KCTD21: variants seen among roughly 807,000 people sequenced by gnomAD.
KCTD21 encodes the protein potassium channel tetramerization domain containing 21.
Under a neutral mutation model 13.2 loss-of-function variants are expected in KCTD21, and 9 were observed. The ratio of observed to expected loss-of-function variants is 0.68; its 90% CI spans 0.41 to 1.19. KCTD21 has a LOEUF of 1.19. Among genes scored for constraint, KCTD21 ranks in the 50% most tolerant of loss-of-function variants. The pLI, the probability that KCTD21 is intolerant of heterozygous loss-of-function variation, is 0.01. For synonymous variants in KCTD21, 142 were observed against 137.4 expected (o/e 1.03, Z -0.23); for missense variants, 303 against 336.5 (o/e 0.90, Z 0.78).
chr11:78,174,439 G>A lies in KCTD21; in HGVS notation c.116C>T (p.Thr39Ile). ...LGAMFSGKMP[T>I]KRDSQGNCFI... ...GCAGTTGCCCTGGCTGTCCCTCTTGGTGGGCATCTTCCCGCTGAACATGGC... is the reference window on the plus strand; with the variant it reads ...GCAGTTGCCCTGGCTGTCCCTCTTGATGGGCATCTTCCCGCTGAACATGGC... The change falls in exon 2 of 2, where the codon ACC becomes ATC. Residue 39 changes from threonine (T) to isoleucine (I), a missense_variant. Coordinates refer to ENST00000340067, the MANE Select transcript of KCTD21 (RefSeq NM_001029859.3). The A allele has an allele frequency of 6.2e-7, 1 of 1,614,096 alleles. No individual in the cohort carries two copies. Among genetic ancestry groups the A allele is most frequent in the Non-Finnish European group, 8.5e-7 (1 of 1,180,028 alleles).
At chr11:78,183,639 CTT>C (rs201919205) in intron 1 of KCTD21, among the ~76,000 whole-genome samples, 19 of 141,886 alleles carry the variant, frequency 1.3e-4, no homozygotes, top group Admixed American at 2.1e-4. Flanking sequence ...AAAATTAATT[CTT>C]TTTTTTTTTT....
At position 78,173,755 on chromosome 11, in the gene KCTD21, G is replaced by A. The variant is rs972959546; in HGVS notation, c.*17C>T. On this transcript the variant is annotated 3_prime_UTR_variant, in exon 2 of 2. Coordinates refer to ENST00000340067, the MANE Select transcript of KCTD21 (RefSeq NM_001029859.3). ...AGCTTCCTGGGACTCCCCATCTCCAGTGTTGTTGGGGTCCTTTTACCTGTA... is the reference window on the plus strand; with the variant it reads ...AGCTTCCTGGGACTCCCCATCTCCAATGTTGTTGGGGTCCTTTTACCTGTA... 2 of 1,589,234 alleles carry A rather than the reference G, an allele frequency of 1.3e-6. No individual in the cohort carries two copies. The highest frequency in any genetic ancestry group is 1.7e-6 in the Non-Finnish European group (2 of 1,164,570).
chr11:78,187,604 C>A (rs1862826119), intron 1 of KCTD21: 2 of 985,284 alleles, frequency 2.0e-6, no homozygotes, highest in Non-Finnish European at 2.4e-6. Flanking sequence ...GCTTTTCCTC[C>A]GGCACCAGCA....
rs57748403 is a variant in KCTD21 at position 78,186,371 on chromosome 11, C to CAAAAAAAAAAAAA, written c.-30+2189_-30+2201dup. Among the ~76,000 whole-genome samples, 18 of 45,816 alleles carry CAAAAAAAAAAAAA rather than the reference C, an allele frequency of 3.9e-4. 1 individual carries two copies. The highest frequency in any genetic ancestry group is 1.0e-3 in the South Asian group (1 of 978). The allele number at this position is 45,816 out of a possible 152,430, so 30.1% of individuals were successfully genotyped here. On this transcript the variant is annotated intron_variant, in intron 1 of 1. Coordinates refer to ENST00000340067, the MANE Select transcript of KCTD21 (RefSeq NM_001029859.3). ...TGGGCAACAGAGTAAGACCCTGTCT[C>CAAAAAAAAAAAAA]AAAAAAAAAAAAAAAAAAAAAAAAA...
intron 1 of KCTD21, chr11:78,187,750 G>C (rs1285182940): frequency 5.1e-6 from 5 of 985,302 alleles, no homozygotes; most frequent in Non-Finnish European, 6.0e-6. Flanking sequence ...GGAAGGGTTG[G>C]GGGGACTGGT....
intron 1 of KCTD21, chr11:78,186,916 T>C (rs1039567855): frequency 3.0e-6 from 3 of 985,328 alleles, no homozygotes; most frequent in Non-Finnish European, 3.6e-6. Flanking sequence ...CCTTTCTATA[T>C]CCACAGAAGC....
chr11:78,186,929 G>C (rs1048152026), intron 1 of KCTD21: 2 of 985,352 alleles, frequency 2.0e-6, no homozygotes, highest in Non-Finnish European at 2.4e-6. Flanking sequence ...ACAGAAGCAC[G>C]TAGAATAGGG....
At position 78,171,266 on chromosome 11, in the gene KCTD21, T is replaced by G. The variant is rs951839681; in HGVS notation, c.*2506A>C. 6.5e-6 allele frequency: 1 copy of G among 152,696 alleles called. No individual in the cohort carries two copies. Among genetic ancestry groups the G allele is most frequent in the African/African-American group, 2.4e-5 (1 of 41,478 alleles). 9.5% of individuals were successfully genotyped at this position (152,696 alleles called of 1,614,324 possible). A position where few individuals can be genotyped will look rare whatever the true frequency, so the allele number is the denominator to read the frequency against. On this transcript the variant is annotated 3_prime_UTR_variant, in exon 2 of 2. Transcript: ENST00000340067. ...AATAACAATCCTTTATCATTTATAC[T>G]GTATTCTCACGTTACATTATTTCAT...
Position 78,171,693 on chromosome 11 carries a change from C to T in KCTD21, c.*2079G>A, listed in dbSNP as rs1862284635. On this transcript the variant is annotated 3_prime_UTR_variant, in exon 2 of 2. Transcript: ENST00000340067. ...CACTCTCAGCTCACTGCAACCTCTG[C>T]TATCTGGGTTCAAGCGATTCTACTG... 1 of 152,222 alleles carries T rather than the reference C, an allele frequency of 6.6e-6. No individual in the cohort carries two copies. Among genetic ancestry groups the T allele is most frequent in the Non-Finnish European group, 1.5e-5 (1 of 68,058 alleles). 9.4% of individuals were successfully genotyped at this position (152,222 alleles called of 1,614,324 possible).
intron 1 of KCTD21, among the ~76,000 whole-genome samples, chr11:78,180,034 A>T (rs1862570709): frequency 6.6e-6 from 1 of 152,136 alleles, no homozygotes; most frequent in Admixed American, 6.6e-5. Context: ...ACCTTGGTCC[A>T]TCTCTTATGC....
intron 1 of KCTD21, among the ~76,000 whole-genome samples, chr11:78,178,974 T>A (rs929207750): frequency 2.0e-5 from 3 of 152,090 alleles, no homozygotes; most frequent in African/African-American, 7.2e-5. Context: ...CTGCATAGGG[T>A]GCCCATTCAC....
In KCTD21 at chr11:78,173,720, G is replaced by C; in HGVS notation, c.*52C>G. 1 of 1,502,962 alleles carries C rather than the reference G, an allele frequency of 6.7e-7. No individual in the cohort carries two copies. The highest frequency in any genetic ancestry group is 9.1e-7 in the Non-Finnish European group (1 of 1,100,870). The allele number at this position is 1,502,962 out of a possible 1,614,324, so 93.1% of individuals were successfully genotyped here. On this transcript the variant is annotated 3_prime_UTR_variant, in exon 2 of 2. Coordinates refer to ENST00000340067, the MANE Select transcript of KCTD21 (RefSeq NM_001029859.3). ...ACTGGCGAGATGCCCTCCAAGACCT[G>C]GCTGACATGAGCTTCCTGGGACTCC...
chr11:78,173,690 G>T lies in KCTD21; in HGVS notation c.*82C>A. Reference sequence around the variant, plus strand: ...ACAGATTAGTATAGTCCCCTGCCTCGCACCACTGGCGAGATGCCCTCCAAG... The same window carrying T: ...ACAGATTAGTATAGTCCCCTGCCTCTCACCACTGGCGAGATGCCCTCCAAG... On this transcript the variant is annotated 3_prime_UTR_variant, in exon 2 of 2. Coordinates refer to ENST00000340067, the MANE Select transcript of KCTD21 (RefSeq NM_001029859.3). 1.8e-6 allele frequency: 2 copies of T among 1,141,246 alleles called. No homozygotes were observed. The highest frequency in any genetic ancestry group is 2.5e-6 in the Non-Finnish European group (2 of 787,698). The allele number at this position is 1,141,246 out of a possible 1,614,324, so 70.7% of individuals were successfully genotyped here. A position where few individuals can be genotyped will look rare whatever the true frequency, so the allele number is the denominator to read the frequency against.
At chr11:78,176,959 G>A (rs1229319645) in intron 1 of KCTD21, 1 of 152,376 alleles carries the variant, frequency 6.6e-6, no homozygotes, top group African/African-American at 2.4e-5. Flanking sequence ...GCTGCAGTGA[G>A]CCGTGATTAC....
chr11:78,175,728 T>C (rs183404069), intron 1 of KCTD21, among the ~76,000 whole-genome samples: 28 of 152,332 alleles, frequency 1.8e-4, no homozygotes, highest in African/African-American at 6.7e-4. Flanking sequence ...CTGTTTTTTT[T>C]AAATTTTTTT....
At chr11:78,179,432 CT>C (rs1401477623) in intron 1 of KCTD21, among the ~76,000 whole-genome samples, 2 of 152,018 alleles carry the variant, frequency 1.3e-5, no homozygotes, top group African/African-American at 4.8e-5. Context: ...GCCCCTAACT[CT>C]GCTGTGAACT....
chr11:78,187,799 T>G, intron 1 of KCTD21: 2 of 985,372 alleles, frequency 2.0e-6, no homozygotes, highest in Non-Finnish European at 2.4e-6. Context: ...CATCAAAACT[T>G]TTCTTTCCTG....
chr11:78,183,431 G>A (rs1237596767), intron 1 of KCTD21, among the ~76,000 whole-genome samples: 1 of 151,884 alleles, frequency 6.6e-6, no homozygotes, highest in Non-Finnish European at 1.5e-5. Flanking sequence ...AGCTACTTGG[G>A]AGGCTGAGGC....
chr11:78,179,064 A>G (rs1862539907), intron 1 of KCTD21, among the ~76,000 whole-genome samples: 1 of 152,106 alleles, frequency 6.6e-6, no homozygotes, highest in Non-Finnish European at 1.5e-5. Context: ...GGGGTACCTA[A>G]AGCCCAGAGA....
Sources: allele counts gnomAD v4.1 joint callset (sites outside exome capture counted in the v4.1 genomes callset), GRCh38; gene constraint gnomAD v4.1.1; transcripts MANE v1.5; gene names NCBI Gene and HGNC (gene_info 2026-07-23, HGNC 2026-07-21).